Variants in TNFSF4 observed in about 807,000 individuals in gnomAD.
TNFSF4 encodes the protein tumor necrosis factor ligand superfamily member 4.
A neutral mutation model predicts 7.3 loss-of-function variants in TNFSF4; 4 were observed. The ratio of observed to expected loss-of-function variants is 0.55; its 90% CI spans 0.27 to 1.25. TNFSF4 has a LOEUF of 1.25. Ranked by LOEUF, TNFSF4 falls within the 50% of genes most tolerant of loss-of-function variation. The pLI, the probability that TNFSF4 is intolerant of heterozygous loss-of-function variation, is 0.12. For missense variants in TNFSF4, 181 were observed against 208.8 expected (o/e 0.87, Z 0.82); for synonymous variants, 76 against 83.7 (o/e 0.91, Z 0.50).
chr1:173,343,921 A>G, the TNFSF4 span, among the ~76,000 whole-genome samples: 3 of 152,222 alleles, frequency 2.0e-5, no homozygotes, highest in Non-Finnish European at 4.4e-5. Flanking sequence ...AAAGGAACAG[A>G]CAGGTGTTAG....
chr1:173,281,905 C>A, the TNFSF4 span, among the ~76,000 whole-genome samples: 1 of 152,166 alleles, frequency 6.6e-6, no homozygotes, highest in African/African-American at 2.4e-5. Context: ...TCCAGTCACA[C>A]ATCACTAACT....
the TNFSF4 span, among the ~76,000 whole-genome samples, chr1:173,228,296 C>A: frequency 3.3e-5 from 5 of 152,242 alleles, no homozygotes; most frequent in African/African-American, 7.2e-5. Flanking sequence ...GCAGCCTCTG[C>A]TGGTGATACC....
intron 1 of TNFSF4, among the ~76,000 whole-genome samples, chr1:173,203,224 T>C (rs774987295): frequency 2.0e-5 from 3 of 152,166 alleles, no homozygotes; most frequent in Non-Finnish European, 4.4e-5. Flanking sequence ...TCACGAATGG[T>C]TCACCTACCC....
the TNFSF4 span, among the ~76,000 whole-genome samples, chr1:173,324,513 A>G: frequency 3.9e-5 from 6 of 152,232 alleles, no homozygotes; most frequent in African/African-American, 1.4e-4. Flanking sequence ...ACACATAAAA[A>G]TATTAACCTT....
intron 1 of TNFSF4, among the ~76,000 whole-genome samples, chr1:173,203,512 G>A (rs1650039700): frequency 1.3e-5 from 2 of 152,240 alleles, no homozygotes; most frequent in South Asian, 4.1e-4. Context: ...AAGCTAATCT[G>A]AAACAATATT....
chr1:173,386,891 A>G, the TNFSF4 span, among the ~76,000 whole-genome samples: 1 of 152,174 alleles, frequency 6.6e-6, no homozygotes, highest in Non-Finnish European at 1.5e-5. Flanking sequence ...TTTGGGACCT[A>G]TTACTCCTCC....
chr1:173,261,232 G>T, the TNFSF4 span, among the ~76,000 whole-genome samples: 1 of 152,014 alleles, frequency 6.6e-6, no homozygotes, highest in East Asian at 1.9e-4. Context: ...ATGACTCCTG[G>T]GTAAATAATG....
chr1:173,187,826 T>C (rs1362602931), intron 2 of TNFSF4, among the ~76,000 whole-genome samples: 1 of 152,214 alleles, frequency 6.6e-6, no homozygotes, highest in East Asian at 1.9e-4. Context: ...TAACCACATC[T>C]TGGACACACC....
At chr1:173,340,679 C>T in the TNFSF4 span, among the ~76,000 whole-genome samples, 2 of 152,108 alleles carry the variant, frequency 1.3e-5, no homozygotes, top group Non-Finnish European at 2.9e-5. Flanking sequence ...GCTTTGGTTT[C>T]CCTGGAGGTC....
chr1:173,309,047 C>T, the TNFSF4 span, among the ~76,000 whole-genome samples: 1 of 151,920 alleles, frequency 6.6e-6, no homozygotes, highest in Non-Finnish European at 1.5e-5. Flanking sequence ...ATGTCACATG[C>T]TAGAAGATCT....
chr1:173,325,991 A>G, the TNFSF4 span, among the ~76,000 whole-genome samples: 4 of 152,250 alleles, frequency 2.6e-5, no homozygotes, highest in African/African-American at 7.2e-5. Flanking sequence ...ATAGAAAAAG[A>G]GGGATTCCTC....
chr1:173,350,487 C>T, the TNFSF4 span, among the ~76,000 whole-genome samples: 1 of 152,128 alleles, frequency 6.6e-6, no homozygotes. Context: ...AAACTATTCC[C>T]CAGTTTCATT....
the TNFSF4 span, among the ~76,000 whole-genome samples, chr1:173,356,015 C>T: frequency 6.6e-6 from 1 of 152,230 alleles, no homozygotes. Context: ...AACAAGCCTG[C>T]AACTTAGATC....
the TNFSF4 span, among the ~76,000 whole-genome samples, chr1:173,272,537 G>A: frequency 0.013 from 2,016 of 152,164 alleles, 25 homozygotes; most frequent in Non-Finnish European, 0.019. Flanking sequence ...AATTGTCCTT[G>A]TTTGATGAGA....
the TNFSF4 span, among the ~76,000 whole-genome samples, chr1:173,224,747 A>G: frequency 1.9e-4 from 29 of 152,244 alleles, no homozygotes; most frequent in African/African-American, 6.5e-4. Flanking sequence ...AGTGAAGAGT[A>G]ATGCAATTAA....
the TNFSF4 span, among the ~76,000 whole-genome samples, chr1:173,378,279 G>C: frequency 3.3e-5 from 5 of 151,168 alleles, no homozygotes; most frequent in Non-Finnish European, 7.4e-5. Flanking sequence ...CTGATCAGCA[G>C]GGTCCAGGGA....
chr1:173,252,192 T>C, the TNFSF4 span, among the ~76,000 whole-genome samples: 2 of 151,980 alleles, frequency 1.3e-5, no homozygotes, highest in Middle Eastern at 3.2e-3. Context: ...TTTATAATAG[T>C]TCCAGTCCTC....
chr1:173,390,977 C>T, the TNFSF4 span, among the ~76,000 whole-genome samples: 4 of 151,894 alleles, frequency 2.6e-5, no homozygotes, highest in Admixed American at 1.3e-4. Context: ...AAATCCTGAA[C>T]TCAGGTGATC....
At chr1:173,188,798 C>T (rs1011506656) in intron 1 of TNFSF4, among the ~76,000 whole-genome samples, 3 of 152,130 alleles carry the variant, frequency 2.0e-5, no homozygotes, top group Admixed American at 6.5e-5. Context: ...CTGCAGCCTC[C>T]GCCTCCCTGG....
Sources: gnomAD v4.1 joint callset for allele counts (sites outside exome capture counted in the v4.1 genomes callset) on GRCh38, gnomAD v4.1.1 for gene constraint, MANE v1.5 for transcripts, NCBI Gene and HGNC (gene_info 2026-07-23, HGNC 2026-07-21) for gene names.